Variants in LRP1B observed in about 807,000 individuals in gnomAD.
The protein encoded by LRP1B is LDL receptor related protein 1B.
In LRP1B, 217 loss-of-function variants were observed where a neutral mutation model predicts 556.6. The ratio of observed to expected loss-of-function variants is 0.39; its 90% CI spans 0.35 to 0.44. The LOEUF is 0.44. Ranked by LOEUF, LRP1B falls within the 20% of genes least tolerant of loss-of-function variation. LRP1B has a pLI of 1.00. For synonymous variants in LRP1B, 2,047 were observed against 1,865.8 expected, an observed-to-expected ratio of 1.10 and a Z score of -2.50; for missense variants, 5,053 against 5,620.8, an observed-to-expected ratio of 0.90 and a Z score of 3.23.
At chr2:140,878,786 C>A (rs1180402228) in intron 25 of LRP1B, among the ~76,000 whole-genome samples, 1 of 151,896 alleles carries the variant, frequency 6.6e-6, no homozygotes, top group Non-Finnish European at 1.5e-5. Context: ...GCAGATGGAT[C>A]ATGCGAGGTC....
intron 1 of LRP1B, among the ~76,000 whole-genome samples, chr2:141,839,383 A>C (rs1697391492): frequency 6.6e-6 from 1 of 152,200 alleles, no homozygotes; most frequent in Non-Finnish European, 1.5e-5. Flanking sequence ...ACAAACATGC[A>C]CCATTGAGCA....
intron 5 of LRP1B, among the ~76,000 whole-genome samples, chr2:141,242,642 C>T (rs573410522): frequency 3.3e-5 from 5 of 152,110 alleles, no homozygotes; most frequent in African/African-American, 7.2e-5. Flanking sequence ...CCAATTACTC[C>T]GCGGCAAAGA....
In LRP1B at chr2:140,358,027, G is replaced by A. The variant is rs755519211; in HGVS notation, c.11347C>T (p.Arg3783Ter). ...GAACCATCTCCGCAGTCATCAAGTC[G>A]ATCACACTGGAGATCCATAGGGATG... ...KCIPMDLQCD[R>*]LDDCGDGSDE... The change falls in exon 74 of 91, where the codon CGA becomes TGA. Residue 3783 changes from arginine (R) to a stop codon, truncating the protein, a stop_gained. Transcript: ENST00000389484. LOFTEE classifies it high-confidence loss of function. 1.9e-6 allele frequency: 3 copies of A among 1,611,306 alleles called. No individual in the cohort carries two copies. Among genetic ancestry groups the A allele is most frequent in the Admixed American group, 1.7e-5 (1 of 59,798 alleles).
chr2:140,910,096 C>CAAAAAAAA (rs143067007), intron 21 of LRP1B, among the ~76,000 whole-genome samples: 7,509 of 145,772 alleles, frequency 0.052, 260 homozygotes, highest in South Asian at 0.11. Flanking sequence ...AGAATCTTAC[C>CAAAAAAAA]AAAACAAAAA....
chr2:141,380,370 C>A (rs567428882), intron 3 of LRP1B, among the ~76,000 whole-genome samples: 6 of 152,180 alleles, frequency 3.9e-5, no homozygotes, highest in Non-Finnish European at 8.8e-5. Flanking sequence ...CAGTCGCTAC[C>A]CAACTAATAG....
chr2:140,312,202 C>T (rs1035451293), intron 83 of LRP1B, among the ~76,000 whole-genome samples: 1 of 151,962 alleles, frequency 6.6e-6, no homozygotes, highest in African/African-American at 2.4e-5. Context: ...TCCCAAATTG[C>T]ACTTTCACTT....
chr2:141,647,956 A>C (rs1689642092), intron 2 of LRP1B, among the ~76,000 whole-genome samples: 1 of 152,132 alleles, frequency 6.6e-6, no homozygotes, highest in South Asian at 2.1e-4. Context: ...AATCTACATA[A>C]AACAGAAATA....
At chr2:140,584,783 G>T (rs550183791) in intron 43 of LRP1B, among the ~76,000 whole-genome samples, 2 of 152,198 alleles carry the variant, frequency 1.3e-5, no homozygotes, top group East Asian at 3.9e-4. Flanking sequence ...ACACTATTAA[G>T]CCTACTGCAA....
chr2:141,814,092 CTT>C (rs1323704291), intron 1 of LRP1B, among the ~76,000 whole-genome samples: 1 of 152,154 alleles, frequency 6.6e-6, no homozygotes, highest in Non-Finnish European at 1.5e-5. Flanking sequence ...CAAATTAAGA[CTT>C]TGCCTGTGGC....
Position 140,350,982 on chromosome 2 carries a change from A to G in LRP1B, c.11707T>C (p.Tyr3903His). 1 of 1,605,360 alleles carries G rather than the reference A, an allele frequency of 6.2e-7. No homozygotes were observed. Among genetic ancestry groups the G allele is most frequent in the Non-Finnish European group, 8.5e-7 (1 of 1,172,836 alleles). ...ANDTDILGFI[Y>H]PFNYSGDHQQ... ...TGATCGCCACTGTAGTTGAATGGAT[A>G]TATAAAACCCAGGATATCAGTGTCA... The change falls in exon 77 of 91, where the codon TAT becomes CAT. Residue 3903 changes from tyrosine (Y) to histidine (H), a missense_variant. Tyr to His is a moderately conservative substitution (Grantham distance 83). Around this residue, in one of 5 missense-constraint regions of LRP1B, gnomAD observed 599 missense variants for 648.4 expected, o/e 0.92. Coordinates refer to ENST00000389484, the MANE Select transcript of LRP1B (RefSeq NM_018557.3).
intron 40 of LRP1B, among the ~76,000 whole-genome samples, chr2:140,701,000 T>C (rs77982537): frequency 0.016 from 2,487 of 152,192 alleles, 90 homozygotes; most frequent in Admixed American, 0.072. Flanking sequence ...AACTCTATCT[T>C]TGAGATATGG....
At chr2:142,099,727 T>C (rs1706505242) in intron 1 of LRP1B, among the ~76,000 whole-genome samples, 1 of 151,928 alleles carries the variant, frequency 6.6e-6, no homozygotes, top group Non-Finnish European at 1.5e-5. Flanking sequence ...TAAACCCCTT[T>C]CTTCAATCTT....
chr2:141,044,110 A>G (rs574119422), intron 11 of LRP1B, among the ~76,000 whole-genome samples: 1 of 151,902 alleles, frequency 6.6e-6, no homozygotes, highest in South Asian at 2.1e-4. Context: ...CTCAGAAATA[A>G]CGCCGCATAT....
chr2:141,394,329 T>G (rs1690164557), intron 3 of LRP1B, among the ~76,000 whole-genome samples: 1 of 152,128 alleles, frequency 6.6e-6, no homozygotes, highest in Admixed American at 6.5e-5. Context: ...TTATGAAAAA[T>G]GGGTTCACCT....
chr2:140,838,509 G>T (rs369219501), intron 31 of LRP1B, among the ~76,000 whole-genome samples: 1 of 151,718 alleles, frequency 6.6e-6, no homozygotes, highest in East Asian at 2.0e-4. Flanking sequence ...CACATGAAAA[G>T]AATTATTTAT....
chr2:141,485,221 C>G (rs4491668), intron 2 of LRP1B, among the ~76,000 whole-genome samples: 2 of 152,076 alleles, frequency 1.3e-5, no homozygotes, highest in East Asian at 1.9e-4. Context: ...ATACTCTTGT[C>G]TTGGTTGCCA....
At chr2:141,865,420 G>A (rs1031013389) in intron 1 of LRP1B, among the ~76,000 whole-genome samples, 5 of 150,810 alleles carry the variant, frequency 3.3e-5, no homozygotes, top group Non-Finnish European at 7.4e-5. Flanking sequence ...GTGAAACCCC[G>A]TCTCTACTAA....
chr2:141,949,779 A>C (rs189308953), intron 1 of LRP1B, among the ~76,000 whole-genome samples: 1 of 152,336 alleles, frequency 6.6e-6, no homozygotes, highest in South Asian at 2.1e-4. Context: ...AAAAACAAAC[A>C]AATGGATATC....
chr2:140,869,169 C>T (rs1425405076), intron 25 of LRP1B, among the ~76,000 whole-genome samples: 2 of 152,146 alleles, frequency 1.3e-5, no homozygotes, highest in African/African-American at 4.8e-5. Context: ...GACTCAGCCT[C>T]AGAGAAGGCT....
Sources: allele counts gnomAD v4.1 joint callset (sites outside exome capture counted in the v4.1 genomes callset), GRCh38; gene constraint gnomAD v4.1.1; regional missense constraint gnomAD v4.1.1; transcripts MANE v1.5; gene names NCBI Gene and HGNC (gene_info 2026-07-23, HGNC 2026-07-21).